Variants in NRXN1 observed in about 807,000 individuals in gnomAD.
NRXN1 encodes neurexin 1.
A neutral mutation model predicts 150.9 loss-of-function variants in NRXN1; 39 were observed. The observed-to-expected ratio is 0.26, with a 90% CI of 0.20 to 0.34. The LOEUF is 0.34. Ranked by LOEUF, NRXN1 falls within the 10% of genes least tolerant of loss-of-function variation. The probability of loss-of-function intolerance (pLI) is 1.00; values close to 1 mark genes in which losing one functional copy is unlikely to be tolerated. For missense variants in NRXN1, 1,815 were observed against 1,949.9 expected, an observed-to-expected ratio of 0.93 and a Z score of 1.30; for synonymous variants, 924 against 757.0, an observed-to-expected ratio of 1.22 and a Z score of -3.62.
chr2:50,906,966 C>T (rs1683780718), intron 5 of NRXN1, among the ~76,000 whole-genome samples: 1 of 151,918 alleles, frequency 6.6e-6, no homozygotes, highest in Non-Finnish European at 1.5e-5. Flanking sequence ...CCTTTTCCTG[C>T]CCTCCTCTCT....
intron 8 of NRXN1, among the ~76,000 whole-genome samples, chr2:50,568,767 T>G (rs1252844437): frequency 6.6e-6 from 1 of 152,058 alleles, no homozygotes; most frequent in Non-Finnish European, 1.5e-5. Flanking sequence ...AGAACTACCA[T>G]ATGATCCAGC....
intron 5 of NRXN1, among the ~76,000 whole-genome samples, chr2:50,887,197 T>C (rs1680379594): frequency 6.6e-6 from 1 of 151,468 alleles, no homozygotes; most frequent in Admixed American, 6.6e-5. Flanking sequence ...GTTCTCCATT[T>C]CTAAATAAAG....
chr2:50,264,018 T>C (rs771721418), intron 17 of NRXN1, among the ~76,000 whole-genome samples: 14 of 152,122 alleles, frequency 9.2e-5, no homozygotes, highest in Non-Finnish European at 1.9e-4. Flanking sequence ...ATGAACCTAG[T>C]CTGTTGAGTG....
intron 18 of NRXN1, among the ~76,000 whole-genome samples, chr2:50,226,715 C>T (rs914644641): frequency 2.0e-5 from 3 of 151,930 alleles, no homozygotes; most frequent in Admixed American, 6.6e-5. Flanking sequence ...TAGAATCTTG[C>T]TTCAAGATAC....
chr2:50,475,752 G>A (rs536873383), intron 15 of NRXN1, among the ~76,000 whole-genome samples: 1 of 152,106 alleles, frequency 6.6e-6, no homozygotes, highest in South Asian at 2.1e-4. Context: ...GTGATCTAAA[G>A]TCCCTTGGTG....
chr2:50,699,086 T>C (rs1317485384), intron 5 of NRXN1, among the ~76,000 whole-genome samples: 1 of 152,150 alleles, frequency 6.6e-6, no homozygotes, highest in Admixed American at 6.6e-5. Context: ...ACAGTCATGG[T>C]GCAGCCTGTA....
chr2:50,821,559 C>T (rs749199149), intron 5 of NRXN1, among the ~76,000 whole-genome samples: 19 of 152,114 alleles, frequency 1.2e-4, no homozygotes, highest in Admixed American at 2.6e-4. Flanking sequence ...GGATGCTTGA[C>T]ATAGAATAAG....
chr2:50,914,318 C>T (rs1684925347), intron 5 of NRXN1, among the ~76,000 whole-genome samples: 1 of 151,744 alleles, frequency 6.6e-6, no homozygotes, highest in Admixed American at 6.6e-5. Flanking sequence ...AGATAAGCTA[C>T]ATGACCATAA....
At chr2:50,067,134 T>C (rs1422943047) in intron 19 of NRXN1, among the ~76,000 whole-genome samples, 1 of 152,194 alleles carries the variant, frequency 6.6e-6, no homozygotes, top group Non-Finnish European at 1.5e-5. Context: ...CATGTGAGAC[T>C]GCTGTGATGT....
At position 51,028,116 on chromosome 2, in the gene NRXN1, TCGCTC is replaced by T; in HGVS notation, c.153_157del (p.Ser52AspfsTer46). ...GCGAGTCTTGAGCTGGAAGCTCATCTCGCTCTCGCAGCAGGCGTTCCACTTGGGGA... is the reference window on the plus strand; with the variant it reads ...GCGAGTCTTGAGCTGGAAGCTCATCTTCGCAGCAGGCGTTCCACTTGGGGA... On this transcript the variant is annotated frameshift_variant, in exon 2 of 23. Transcript: ENST00000401669. LOFTEE classifies it high-confidence loss of function. The T allele has an allele frequency of 6.4e-7, 1 of 1,574,558 alleles. No individual in the cohort carries two copies. Among genetic ancestry groups the T allele is most frequent in the Non-Finnish European group, 8.6e-7 (1 of 1,162,892 alleles).
intron 22 of NRXN1, among the ~76,000 whole-genome samples, chr2:49,922,608 A>G (rs936283890): frequency 1.1e-4 from 16 of 152,178 alleles, no homozygotes; most frequent in Admixed American, 5.9e-4. Context: ...GCCCTACCCT[A>G]TAATACTAGA....
chr2:50,171,896 C>G (rs2060053777), intron 18 of NRXN1, among the ~76,000 whole-genome samples: 1 of 152,014 alleles, frequency 6.6e-6, no homozygotes, highest in African/African-American at 2.4e-5. Flanking sequence ...ATTTTGGTTG[C>G]CTGAGAATAA....
intron 5 of NRXN1, among the ~76,000 whole-genome samples, chr2:50,638,014 C>T (rs1683485620): frequency 6.6e-6 from 1 of 152,020 alleles, no homozygotes; most frequent in African/African-American, 2.4e-5. Flanking sequence ...TTCAATTGTG[C>T]ATCTTTATCA....
intron 5 of NRXN1, among the ~76,000 whole-genome samples, chr2:50,915,952 C>G (rs1467347600): frequency 6.7e-6 from 1 of 148,300 alleles, no homozygotes; most frequent in South Asian, 2.2e-4. Context: ...GGAATATGAA[C>G]CCAGCTCTTA....
chr2:50,663,560 G>A (rs1687608271), intron 5 of NRXN1, among the ~76,000 whole-genome samples: 1 of 151,982 alleles, frequency 6.6e-6, no homozygotes, highest in African/African-American at 2.4e-5. Flanking sequence ...AAAAACACAT[G>A]TTTGGCATTG....
In NRXN1 at chr2:50,512,923, C is replaced by G. The variant is rs1282679238; in HGVS notation, c.2375-6306G>C. Among the ~76,000 whole-genome samples the G allele has an allele frequency of 2.6e-5, 4 of 152,166 alleles. No individual in the cohort carries two copies. The South Asian group carries it at 6.2e-4, about 24-fold the overall frequency. ...TTCACATACCTCTTTACATTTGGTT[C>G]AAATGTAGATTCTCATATATTTCAG... On this transcript the variant is annotated intron_variant, in intron 12 of 22. Transcript: ENST00000401669.
intron 17 of NRXN1, among the ~76,000 whole-genome samples, chr2:50,324,896 A>G (rs1285520629): frequency 6.6e-6 from 1 of 152,162 alleles, no homozygotes; most frequent in African/African-American, 2.4e-5. Flanking sequence ...AAAAATCTGA[A>G]TCTGACCCTG....
At chr2:50,330,533 C>T (rs1197526985) in intron 17 of NRXN1, among the ~76,000 whole-genome samples, 1 of 152,092 alleles carries the variant, frequency 6.6e-6, no homozygotes, top group Non-Finnish European at 1.5e-5. Flanking sequence ...TACTCCTAAC[C>T]TTCCCCAACC....
intron 5 of NRXN1, among the ~76,000 whole-genome samples, chr2:50,889,785 C>T (rs1301649631): frequency 6.6e-6 from 1 of 151,422 alleles, no homozygotes; most frequent in Admixed American, 6.6e-5. Context: ...TGTTATAAAA[C>T]AAATTTTATA....
Sources: gnomAD v4.1 joint callset for allele counts (sites outside exome capture counted in the v4.1 genomes callset) on GRCh38, gnomAD v4.1.1 for gene constraint, MANE v1.5 for transcripts, NCBI Gene and HGNC (gene_info 2026-07-23, HGNC 2026-07-21) for gene names.